DHRSX: variants seen among roughly 807,000 people sequenced by gnomAD.
DHRSX encodes the protein polyprenol dehydrogenase.
A neutral mutation model predicts 34.0 loss-of-function variants in DHRSX; 31 were observed. The ratio of observed to expected loss-of-function variants is 0.91; its 90% CI spans 0.69 to 1.23. The LOEUF (loss-of-function observed/expected upper bound fraction) is 1.23. Among genes scored for constraint, DHRSX ranks in the 50% most tolerant of loss-of-function variants. The probability of loss-of-function intolerance (pLI) is 0.00; values close to 1 mark genes in which losing one functional copy is unlikely to be tolerated. For missense variants in DHRSX, 414 were observed against 428.1 expected, an observed-to-expected ratio of 0.97 and a Z score of 0.29; for synonymous variants, 201 against 183.8, an observed-to-expected ratio of 1.09 and a Z score of -0.76.
intron 5 of DHRSX, among the ~76,000 whole-genome samples, chrX:2,260,460 A>AT (rs772144524): frequency 0.013 from 1,624 of 124,126 alleles, 21 homozygotes; most frequent in African/African-American, 0.034. Context: ...TTTCTACTTC[A>AT]TTTTTTTTTT....
At chrX:2,270,828 G>T (rs1004758209) in intron 4 of DHRSX, among the ~76,000 whole-genome samples, 2 of 152,076 alleles carry the variant, frequency 1.3e-5, no homozygotes, top group Non-Finnish European at 2.9e-5. Flanking sequence ...ACTCTAAAAT[G>T]GACCATTCAG....
At chrX:2,322,038 G>C (rs1178530440) in intron 3 of DHRSX, among the ~76,000 whole-genome samples, 1 of 151,826 alleles carries the variant, frequency 6.6e-6, no homozygotes, top group African/African-American at 2.4e-5. Context: ...AAGTTCTTTA[G>C]TGGTGATCTG....
chrX:2,442,528 C>A (rs1018140863), intron 1 of DHRSX, among the ~76,000 whole-genome samples: 1 of 151,672 alleles, frequency 6.6e-6, no homozygotes, highest in African/African-American at 2.4e-5. Flanking sequence ...AGTACGTATG[C>A]AACACACTGG....
chrX:2,392,164 G>C (rs974377171), intron 3 of DHRSX, among the ~76,000 whole-genome samples: 15 of 152,100 alleles, frequency 9.9e-5, no homozygotes, highest in South Asian at 2.1e-4. Context: ...GTCCTTCCTG[G>C]GGAAATGGAA....
intron 3 of DHRSX, among the ~76,000 whole-genome samples, chrX:2,361,573 T>A (rs1316152100): frequency 3.9e-5 from 6 of 152,132 alleles, no homozygotes; most frequent in African/African-American, 1.4e-4. Context: ...GTATTAATGA[T>A]TGAATTTTTA....
chrX:2,254,821 A>C lies in DHRSX; in HGVS notation c.597-11591T>G, dbSNP rs1465464989. Among the ~76,000 whole-genome samples, 8 of 151,236 alleles carry C rather than the reference A, an allele frequency of 5.3e-5. No individual in the cohort carries two copies. The East Asian group carries it at 1.6e-3, about 29-fold the overall frequency. On this transcript the variant is annotated intron_variant, in intron 5 of 6. Coordinates refer to ENST00000334651, the MANE Select transcript of DHRSX (RefSeq NM_145177.3). ...GCCACCACACTCAGCTAATTTTGGT[A>C]TTTTTAGCACAGTGGGGTTTCACCA... is the stretch of plus-strand genomic sequence containing the variant.
intron 5 of DHRSX, among the ~76,000 whole-genome samples, chrX:2,251,295 G>T (rs924926654): frequency 6.6e-6 from 1 of 152,186 alleles, no homozygotes; most frequent in Admixed American, 6.6e-5. Flanking sequence ...CCGTGATAAA[G>T]AAATCAATGT....
chrX:2,315,791 T>C (rs1232911158), intron 3 of DHRSX, among the ~76,000 whole-genome samples: 4 of 152,114 alleles, frequency 2.6e-5, no homozygotes, highest in Non-Finnish European at 5.9e-5. Context: ...ATCTGTAGCT[T>C]AGGATGCTCT....
intron 2 of DHRSX, among the ~76,000 whole-genome samples, chrX:2,420,755 A>C (rs2043769693): frequency 1.3e-5 from 2 of 151,960 alleles, no homozygotes; most frequent in South Asian, 4.2e-4. Context: ...AGTAAAAAAA[A>C]AAAGAATGGA....
rs771580287 is a variant in DHRSX at position 2,266,888 on chromosome X, G to T, written c.448C>A (p.Leu150Met). The T allele has an allele frequency of 1.2e-6, 2 of 1,613,842 alleles. No individual in the cohort carries two copies. The highest frequency in any genetic ancestry group is 8.5e-7 in the Non-Finnish European group (1 of 1,179,862). The change falls in exon 5 of 7, where the codon CTG becomes ATG. Residue 150 changes from leucine (L) to methionine (M), a missense_variant. Coordinates refer to ENST00000334651, the MANE Select transcript of DHRSX (RefSeq NM_145177.3). Reference sequence around the variant, plus strand: ...AGCAGGAAGTGCCCTAGGTAGTTCAGGCCGAAATGTTCTTCGAATCCATCT... The same window carrying T: ...AGCAGGAAGTGCCCTAGGTAGTTCATGCCGAAATGTTCTTCGAATCCATCT... The part of the protein sequence containing the change: ...TRDGFEEHFG[L>M]NYLGHFLLTN...
intron 1 of DHRSX, among the ~76,000 whole-genome samples, chrX:2,481,131 C>T (rs2044764060): frequency 6.6e-6 from 1 of 152,100 alleles, no homozygotes; most frequent in African/African-American, 2.4e-5. Context: ...TTAATCATTG[C>T]ACAATGTGTA....
intron 1 of DHRSX, chrX:2,490,050 T>C: frequency 1.2e-6 from 2 of 1,613,708 alleles, no homozygotes; most frequent in Non-Finnish European, 1.7e-6. Flanking sequence ...GACAGGCAGT[T>C]GGGGGCGCCC....
chrX:2,365,013 TA>T (rs1209302781), intron 3 of DHRSX, among the ~76,000 whole-genome samples: 1 of 151,084 alleles, frequency 6.6e-6, no homozygotes, highest in African/African-American at 2.4e-5. Flanking sequence ...ACAACTGGCA[TA>T]TCTATCTATC....
chrX:2,390,361 C>T (rs2043321551), intron 3 of DHRSX, among the ~76,000 whole-genome samples: 2 of 151,724 alleles, frequency 1.3e-5, no homozygotes, highest in South Asian at 4.2e-4. Flanking sequence ...TCGTCTCAAA[C>T]TCCTGACCTC....
chrX:2,365,487 C>T (rs2042985529), intron 3 of DHRSX, among the ~76,000 whole-genome samples: 1 of 152,086 alleles, frequency 6.6e-6, no homozygotes. Context: ...TTACTTCTTT[C>T]TCCTGTATGC....
intron 6 of DHRSX, among the ~76,000 whole-genome samples, chrX:2,224,992 G>A (rs913010991): frequency 7.2e-6 from 1 of 139,792 alleles, no homozygotes; most frequent in Non-Finnish European, 1.5e-5. Context: ...TAATTCACAT[G>A]CACACACACA....
chrX:2,480,101 A>G (rs2044746793), intron 1 of DHRSX, among the ~76,000 whole-genome samples: 1 of 152,082 alleles, frequency 6.6e-6, no homozygotes, highest in Non-Finnish European at 1.5e-5. Context: ...AGTTTCCAAG[A>G]TATAGAATCA....
chrX:2,286,062 G>A (rs186185735), intron 4 of DHRSX, among the ~76,000 whole-genome samples: 1 of 147,466 alleles, frequency 6.8e-6, no homozygotes, highest in African/African-American at 2.5e-5. Flanking sequence ...TCCAGCACAA[G>A]AGCTGGTGAT....
rs149923435 is a variant in DHRSX at position 2,489,148 on chromosome X, G to A, written c.109+11669C>T. Reference sequence around the variant, plus strand: ...TGAGCTTCTTGACGGGAGGCTCCTCGGGCACCGGGAAGATCTTGTCCTCAG... The same window carrying A: ...TGAGCTTCTTGACGGGAGGCTCCTCAGGCACCGGGAAGATCTTGTCCTCAG... On this transcript the variant is annotated intron_variant, in intron 1 of 6. Coordinates refer to ENST00000334651, the MANE Select transcript of DHRSX (RefSeq NM_145177.3). The A allele has an allele frequency of 7.1e-4, 1,149 of 1,613,518 alleles. 7 individuals are homozygous for A. The African/African-American group carries it at 0.01, about 15-fold the overall frequency.
Sources: allele counts gnomAD v4.1 joint callset (sites outside exome capture counted in the v4.1 genomes callset), GRCh38; gene constraint gnomAD v4.1.1; transcripts MANE v1.5; gene names NCBI Gene and HGNC (gene_info 2026-07-23, HGNC 2026-07-21).